CSMD3: variants seen among roughly 807,000 people sequenced by gnomAD.
CSMD3 encodes the protein CUB and Sushi multiple domains 3, also known as CUB and sushi domain-containing protein 3.
Under a neutral mutation model 435.2 loss-of-function variants are expected in CSMD3, and 177 were observed. The ratio of observed to expected loss-of-function variants is 0.41; its 90% confidence interval spans 0.36 to 0.46. CSMD3 has a LOEUF of 0.46. Among genes scored for constraint, CSMD3 ranks in the 20% least tolerant of loss-of-function variants. CSMD3 has a pLI of 0.34. For missense variants in CSMD3, 4,265 were observed against 4,504.6 expected, an observed-to-expected ratio of 0.95 and a Z score of 1.52; for synonymous variants, 1,656 against 1,520.5, an observed-to-expected ratio of 1.09 and a Z score of -2.07.
At chr8:112,816,791 A>T (rs1169058571) in intron 12 of CSMD3, among the ~76,000 whole-genome samples, 1 of 151,856 alleles carries the variant, frequency 6.6e-6, no homozygotes, top group Admixed American at 6.6e-5. Context: ...TAGTAAGAAT[A>T]TTATTTATTA....
chr8:112,866,595 A>G (rs1380365174), intron 10 of CSMD3, among the ~76,000 whole-genome samples: 3 of 152,172 alleles, frequency 2.0e-5, no homozygotes, highest in African/African-American at 7.2e-5. Flanking sequence ...GTGGTTGTTC[A>G]CCTGAGAGTT....
intron 4 of CSMD3, among the ~76,000 whole-genome samples, chr8:113,120,147 G>A (rs1458621809): frequency 6.6e-6 from 1 of 151,952 alleles, no homozygotes; most frequent in Non-Finnish European, 1.5e-5. Context: ...AGGTTATAAT[G>A]AATTCATCTA....
chr8:113,139,572 T>C (rs914034428), intron 4 of CSMD3, among the ~76,000 whole-genome samples: 2 of 150,926 alleles, frequency 1.3e-5, no homozygotes, highest in African/African-American at 4.8e-5. Flanking sequence ...CAACCACTAA[T>C]AAAACTGTAA....
chr8:112,293,531 A>C (rs1819981260), intron 54 of CSMD3, among the ~76,000 whole-genome samples: 1 of 152,108 alleles, frequency 6.6e-6, no homozygotes, highest in African/African-American at 2.4e-5. Flanking sequence ...CTGCATTAGG[A>C]TATTCATTAA....
chr8:113,062,096 T>A (rs961106668), intron 5 of CSMD3, among the ~76,000 whole-genome samples: 6 of 151,884 alleles, frequency 4.0e-5, no homozygotes, highest in African/African-American at 1.4e-4. Context: ...TTTATATTAA[T>A]GGCTTCCTAT....
intron 12 of CSMD3, among the ~76,000 whole-genome samples, chr8:112,808,356 C>G (rs2079142052): frequency 6.6e-6 from 1 of 152,002 alleles, no homozygotes; most frequent in Non-Finnish European, 1.5e-5. Flanking sequence ...ATTGTGATAT[C>G]CTACCTTGTT....
chr8:113,237,658 T>C (rs2093165223), intron 3 of CSMD3, among the ~76,000 whole-genome samples: 1 of 152,230 alleles, frequency 6.6e-6, no homozygotes, highest in Non-Finnish European at 1.5e-5. Flanking sequence ...TTAACAGCCA[T>C]TTGTTTCTAC....
chr8:112,947,086 T>C (rs1587733734), intron 9 of CSMD3, among the ~76,000 whole-genome samples: 1 of 151,750 alleles, frequency 6.6e-6, no homozygotes, highest in East Asian at 1.9e-4. Context: ...AAAATAGGTA[T>C]TTGTGAGTTT....
At chr8:112,431,073 C>T (rs1044480727) in intron 32 of CSMD3, among the ~76,000 whole-genome samples, 4 of 144,022 alleles carry the variant, frequency 2.8e-5, no homozygotes, top group African/African-American at 9.8e-5. Flanking sequence ...CAAGTCATTC[C>T]CTGCCCTCAC....
chr8:113,424,386 T>C (rs2129984381), intron 1 of CSMD3, among the ~76,000 whole-genome samples: 1 of 151,834 alleles, frequency 6.6e-6, no homozygotes. Flanking sequence ...ACATCTCCAG[T>C]AAAGATAACA....
chr8:112,816,411 T>G (rs1421319519), intron 12 of CSMD3, among the ~76,000 whole-genome samples: 1 of 152,140 alleles, frequency 6.6e-6, no homozygotes, highest in Non-Finnish European at 1.5e-5. Context: ...GCTAAGAATT[T>G]GTCTGACTGG....
intron 3 of CSMD3, among the ~76,000 whole-genome samples, chr8:113,246,816 T>C (rs1360483261): frequency 6.6e-6 from 1 of 152,198 alleles, no homozygotes; most frequent in Admixed American, 6.6e-5. Context: ...GTCAATTAAG[T>C]CTGCTTAATT....
intron 13 of CSMD3, among the ~76,000 whole-genome samples, chr8:112,720,975 A>G (rs561774574): frequency 5.3e-5 from 8 of 152,156 alleles, no homozygotes; most frequent in Non-Finnish European, 1.2e-4. Flanking sequence ...TTCACTTTCT[A>G]CAAAATCTAG....
At position 112,729,308 on chromosome 8, in the gene CSMD3, G is replaced by A. The variant is rs139776394; in HGVS notation, c.1973-39258C>T. ...AACAGGAAGGATGAACAATAGAAGA[G>A]TAGTGATAGTACCAGTTTTGAAAAA... On this transcript the variant is annotated intron_variant, in intron 13 of 70. Coordinates refer to ENST00000297405, the MANE Select transcript of CSMD3 (RefSeq NM_198123.2). Among the ~76,000 whole-genome samples the A allele has an allele frequency of 1.4e-3, 207 of 152,124 alleles. 1 individual carries two copies. The highest frequency in any genetic ancestry group is 4.7e-4 in the Non-Finnish European group (32 of 67,982).
At chr8:113,132,111 T>C (rs1461240869) in intron 4 of CSMD3, among the ~76,000 whole-genome samples, 10 of 152,180 alleles carry the variant, frequency 6.6e-5, no homozygotes, top group Non-Finnish European at 1.2e-4. Context: ...CCAATGCCTG[T>C]ACCTCCATTT....
chr8:112,902,867 G>A (rs2082144215), intron 10 of CSMD3, among the ~76,000 whole-genome samples: 1 of 151,236 alleles, frequency 6.6e-6, no homozygotes, highest in Non-Finnish European at 1.5e-5. Flanking sequence ...AGCATTGAGA[G>A]TTGTTGAGAG....
chr8:112,867,809 T>A (rs1158833992), intron 10 of CSMD3, among the ~76,000 whole-genome samples: 1 of 152,106 alleles, frequency 6.6e-6, no homozygotes, highest in Non-Finnish European at 1.5e-5. Context: ...GAGGAGTGAA[T>A]GTGAAGGCCC....
intron 35 of CSMD3, among the ~76,000 whole-genome samples, chr8:112,404,084 C>G (rs911143144): frequency 6.6e-6 from 1 of 152,042 alleles, no homozygotes; most frequent in African/African-American, 2.4e-5. Flanking sequence ...GTGGCGATAT[C>G]AAATTCCTAG....
intron 10 of CSMD3, among the ~76,000 whole-genome samples, chr8:112,870,572 G>A (rs568413141): frequency 1.6e-4 from 24 of 151,884 alleles, no homozygotes; most frequent in East Asian, 1.4e-3. Context: ...CACTGCGCCC[G>A]GCCCAGAATG....
Sources: allele counts gnomAD v4.1 joint callset (sites outside exome capture counted in the v4.1 genomes callset), GRCh38; gene constraint gnomAD v4.1.1; transcripts MANE v1.5; gene names NCBI Gene and HGNC (gene_info 2026-07-23, HGNC 2026-07-21).